The following NCOA2 variants were observed in gnomAD, a reference collection of about 807,000 sequenced individuals.
The protein encoded by NCOA2 is nuclear receptor coactivator 2.
NCOA2 carries 21 observed loss-of-function variants against 145.1 expected under a neutral mutation model. The observed-to-expected ratio is 0.14, with a 90% CI of 0.10 to 0.21. The LOEUF (loss-of-function observed/expected upper bound fraction) is 0.21. NCOA2 is among the 10% of genes least tolerant of loss of function. NCOA2 has a pLI of 1.00. For synonymous variants in NCOA2, 619 were observed against 637.5 expected (o/e 0.97, Z 0.44); for missense variants, 1,472 against 1,837.6 (o/e 0.80, Z 3.64).
chr8:70,251,035 T>C (rs990181393), intron 2 of NCOA2, among the ~76,000 whole-genome samples: 10 of 152,318 alleles, frequency 6.6e-5, no homozygotes, highest in African/African-American at 2.2e-4. Flanking sequence ...TAGATCTGCA[T>C]AGAATTAAGT....
the NCOA2 span, among the ~76,000 whole-genome samples, chr8:70,428,112 G>A: frequency 3.3e-5 from 5 of 152,030 alleles, no homozygotes; most frequent in Admixed American, 3.3e-4. Flanking sequence ...GGTTCTCATG[G>A]CAGGATTGAT....
chr8:70,146,174 AGT>A (rs1382468593), intron 12 of NCOA2, among the ~76,000 whole-genome samples: 1 of 152,228 alleles, frequency 6.6e-6, no homozygotes, highest in Non-Finnish European at 1.5e-5. Flanking sequence ...AAAAATTTTA[AGT>A]GTGAACTCTG....
chr8:70,343,319 A>C (rs1759959743), intron 1 of NCOA2, among the ~76,000 whole-genome samples: 1 of 152,162 alleles, frequency 6.6e-6, no homozygotes, highest in African/African-American at 2.4e-5. Flanking sequence ...AAGGTCACAA[A>C]AAACTAAAAT....
intron 3 of NCOA2, 127 bp downstream of exon 3, chr8:70,216,533 T>A: frequency 1.4e-6 from 1 of 731,124 alleles, no homozygotes; most frequent in Non-Finnish European, 2.4e-6. Context: ...ATTCAGAGAT[T>A]TAACTGTTAA....
chr8:70,358,675 G>A (rs1431459006), intron 1 of NCOA2, among the ~76,000 whole-genome samples: 1 of 152,050 alleles, frequency 6.6e-6, no homozygotes, highest in African/African-American at 2.4e-5. Flanking sequence ...AAACACAGCA[G>A]GCCAAATCTT....
At chr8:70,268,548 A>C (rs544567003) in intron 2 of NCOA2, among the ~76,000 whole-genome samples, 103 of 152,256 alleles carry the variant, frequency 6.8e-4, no homozygotes, top group African/African-American at 2.5e-3. Context: ...CCATAACATA[A>C]AATTTAGGTA....
intron 1 of NCOA2, among the ~76,000 whole-genome samples, chr8:70,403,381 G>A (rs1563853610): frequency 6.6e-6 from 1 of 151,244 alleles, no homozygotes; most frequent in Non-Finnish European, 1.5e-5. Flanking sequence ...TCGCGCTCCG[G>A]GACTCGTCTC....
intron 1 of NCOA2, among the ~76,000 whole-genome samples, chr8:70,375,590 C>T (rs1432639670): frequency 6.6e-6 from 1 of 152,154 alleles, no homozygotes; most frequent in African/African-American, 2.4e-5. Flanking sequence ...TAAATATACA[C>T]ATCTCAGGTC....
chr8:70,152,439 T>G lies in NCOA2; in HGVS notation c.2394+3532A>C, dbSNP rs535042139. ...AGTTGTTAAGAAATGGTAATACAAT[T>G]CTACCACATCTGGAGAGAAATTTTC... On this transcript the variant is annotated intron_variant, in intron 11 of 22. Coordinates refer to ENST00000452400, the MANE Select transcript of NCOA2 (RefSeq NM_006540.4). Among the ~76,000 whole-genome samples the G allele has an allele frequency of 3.3e-5, 5 of 152,340 alleles. No homozygotes were observed. In the East Asian group the frequency reaches 9.6e-4, roughly 29 times the overall value.
At chr8:70,381,095 G>C (rs1812152922) in intron 1 of NCOA2, among the ~76,000 whole-genome samples, 1 of 151,480 alleles carries the variant, frequency 6.6e-6, no homozygotes, top group South Asian at 2.1e-4. Flanking sequence ...AATGCCTATA[G>C]GATGAAAAGA....
At chr8:70,448,327 C>T in the NCOA2 span, among the ~76,000 whole-genome samples, 5 of 152,112 alleles carry the variant, frequency 3.3e-5, no homozygotes, top group Non-Finnish European at 7.4e-5. Flanking sequence ...GTAAGAAATG[C>T]CTTTCTCTGT....
intron 2 of NCOA2, among the ~76,000 whole-genome samples, chr8:70,242,244 TTGAC>T (rs1283048840): frequency 6.6e-6 from 1 of 152,172 alleles, no homozygotes; most frequent in Non-Finnish European, 1.5e-5. Flanking sequence ...CTTCTTAATC[TTGAC>T]TGACTTTTAA....
At chr8:70,313,563 C>A (rs1212609931) in intron 1 of NCOA2, among the ~76,000 whole-genome samples, 1 of 152,156 alleles carries the variant, frequency 6.6e-6, no homozygotes, top group East Asian at 1.9e-4. Context: ...GCTCTAGTCT[C>A]AAACCTCACC....
At position 70,152,515 on chromosome 8, in the gene NCOA2, C is replaced by T. The variant is rs543906291; in HGVS notation, c.2394+3456G>A. Among the ~76,000 whole-genome samples the T allele has an allele frequency of 2.2e-4, 33 of 152,306 alleles. No homozygotes were observed. The South Asian group carries it at 6.8e-3, about 32-fold the overall frequency. Reference sequence around the variant, plus strand: ...TTTGCCTTTCTAATGGAGTCAAATACCAAGAAGAAATTCTTTTTAGACTAT... The same window carrying T: ...TTTGCCTTTCTAATGGAGTCAAATATCAAGAAGAAATTCTTTTTAGACTAT... On this transcript the variant is annotated intron_variant, in intron 11 of 22. Coordinates refer to ENST00000452400, the MANE Select transcript of NCOA2 (RefSeq NM_006540.4).
chr8:70,128,641 C>A, intron 17 of NCOA2, 61 bp downstream of exon 17: 1 of 1,598,526 alleles, frequency 6.3e-7, no homozygotes, highest in Non-Finnish European at 8.5e-7. Context: ...TGTCTCACAT[C>A]ATCTTCCCCA....
intron 6 of NCOA2, among the ~76,000 whole-genome samples, chr8:70,168,614 C>G (rs1813893344): frequency 6.6e-6 from 1 of 152,176 alleles, no homozygotes; most frequent in African/African-American, 2.4e-5. Context: ...AGCCACTGAG[C>G]CCAGCCAGTA....
At chr8:70,286,363 G>A (rs1826233747) in intron 2 of NCOA2, among the ~76,000 whole-genome samples, 2 of 152,178 alleles carry the variant, frequency 1.3e-5, no homozygotes, top group African/African-American at 2.4e-5. Flanking sequence ...TCTGGTGACA[G>A]AGCAAGAAAA....
At chr8:70,144,618 G>C in intron 13 of NCOA2, 24 bp downstream of exon 13, 1 of 1,578,804 alleles carries the variant, frequency 6.3e-7, no homozygotes, top group Non-Finnish European at 8.7e-7. Flanking sequence ...CACCAATAAA[G>C]TAACAGTGCA....
intron 2 of NCOA2, among the ~76,000 whole-genome samples, chr8:70,288,424 A>C (rs1380003031): frequency 6.6e-6 from 1 of 150,488 alleles, no homozygotes; most frequent in Non-Finnish European, 1.5e-5. Flanking sequence ...CTAAAAATAC[A>C]AAAAAAATTA....
Sources: gnomAD v4.1 joint callset for allele counts (sites outside exome capture counted in the v4.1 genomes callset) on GRCh38, gnomAD v4.1.1 for gene constraint, MANE v1.5 for transcripts, NCBI Gene and HGNC (gene_info 2026-07-23, HGNC 2026-07-21) for gene names.